SLC24A3: variants seen among roughly 807,000 people sequenced by gnomAD.
The protein encoded by SLC24A3 is sodium/potassium/calcium exchanger 3.
A neutral mutation model predicts 75.8 loss-of-function variants in SLC24A3; 28 were observed. That is an observed-to-expected ratio of 0.37 (90% CI 0.27 to 0.51). The LOEUF (loss-of-function observed/expected upper bound fraction) is 0.51. Ranked by LOEUF, SLC24A3 falls within the 20% of genes least tolerant of loss-of-function variation. SLC24A3 has a pLI of 0.94. For synonymous variants in SLC24A3, 372 were observed against 334.1 expected (o/e 1.11, Z -1.24); for missense variants, 663 against 847.8 (o/e 0.78, Z 2.71).
At chr20:19,579,950 C>A in intron 3 of SLC24A3, 50 bp from the exon 4 acceptor site, 1 of 1,418,674 alleles carries the variant, frequency 7.0e-7, no homozygotes, top group Non-Finnish European at 9.9e-7. Context: ...GTTCATCTTC[C>A]TGGCTCTGCC....
chr20:19,607,681 C>T (rs1332722326), intron 6 of SLC24A3, among the ~76,000 whole-genome samples: 1 of 152,204 alleles, frequency 6.6e-6, no homozygotes, highest in African/African-American at 2.4e-5. Flanking sequence ...CATCCTGCCC[C>T]TTGCTTTCCA....
At chr20:19,316,643 C>T (rs185090575) in intron 2 of SLC24A3, among the ~76,000 whole-genome samples, 3 of 152,306 alleles carry the variant, frequency 2.0e-5, no homozygotes, top group Admixed American at 2.0e-4. Flanking sequence ...TGGGCAGGAG[C>T]ACAGAGTCCA....
At chr20:19,448,465 T>C (rs1199470093) in intron 2 of SLC24A3, among the ~76,000 whole-genome samples, 1 of 152,200 alleles carries the variant, frequency 6.6e-6, no homozygotes, top group Admixed American at 6.5e-5. Flanking sequence ...TCCGCCTGAC[T>C]TCAACACCGT....
At chr20:19,272,512 A>G (rs562589531) in intron 1 of SLC24A3, among the ~76,000 whole-genome samples, 1 of 152,350 alleles carries the variant, frequency 6.6e-6, no homozygotes, top group South Asian at 2.1e-4. Context: ...ACAAGCTTGC[A>G]GGTGATGTTG....
At chr20:19,533,286 A>G (rs1458372689) in intron 3 of SLC24A3, among the ~76,000 whole-genome samples, 1 of 152,164 alleles carries the variant, frequency 6.6e-6, no homozygotes, top group African/African-American at 2.4e-5. Flanking sequence ...TCTCTCTAAC[A>G]GAGGAGGCTG....
intron 14 of SLC24A3, 122 bp from the exon 15 acceptor site, chr20:19,698,446 A>G (rs2032835458): frequency 1.6e-6 from 1 of 620,974 alleles, no homozygotes; most frequent in Non-Finnish European, 2.9e-6. Flanking sequence ...TGGCCTTGAA[A>G]GAGAAGCACA....
At chr20:19,225,102 A>G (rs896204575) in intron 1 of SLC24A3, among the ~76,000 whole-genome samples, 6 of 152,220 alleles carry the variant, frequency 3.9e-5, no homozygotes, top group Non-Finnish European at 2.9e-5. Flanking sequence ...CCTGGGTTGT[A>G]ACCTCATATA....
chr20:19,449,831 C>A (rs1235242282), intron 2 of SLC24A3, among the ~76,000 whole-genome samples: 1 of 152,184 alleles, frequency 6.6e-6, no homozygotes, highest in Non-Finnish European at 1.5e-5. Flanking sequence ...GAAGGGCTCC[C>A]AATAGAGTGT....
intron 3 of SLC24A3, among the ~76,000 whole-genome samples, chr20:19,546,690 G>T (rs2328407): frequency 0.85 from 129,282 of 152,206 alleles, 55,189 homozygotes; most frequent in Middle Eastern, 0.92. Flanking sequence ...TGATTCCCTG[G>T]GGCATAGTCA....
chr20:19,455,993 T>C (rs746783115), intron 2 of SLC24A3, among the ~76,000 whole-genome samples: 5 of 152,234 alleles, frequency 3.3e-5, no homozygotes, highest in Middle Eastern at 3.2e-3. Flanking sequence ...TATGAGTTTA[T>C]AATGTACTGG....
At chr20:19,468,108 G>T (rs1409385380) in intron 2 of SLC24A3, among the ~76,000 whole-genome samples, 2 of 152,086 alleles carry the variant, frequency 1.3e-5, no homozygotes, top group East Asian at 3.9e-4. Context: ...AGTGGAAAAT[G>T]GATTGGATGG....
chr20:19,662,627 T>C (rs767081918), intron 7 of SLC24A3, among the ~76,000 whole-genome samples: 4 of 152,274 alleles, frequency 2.6e-5, no homozygotes, highest in Non-Finnish European at 5.9e-5. Flanking sequence ...TGTTCTAGTC[T>C]AGAAAGAAAT....
chr20:19,357,458 A>G (rs1333075325), intron 2 of SLC24A3, among the ~76,000 whole-genome samples: 1 of 152,200 alleles, frequency 6.6e-6, no homozygotes, highest in African/African-American at 2.4e-5. Context: ...TGGATTGATT[A>G]TTCATCAACA....
At chr20:19,487,875 T>C (rs1988151157) in intron 2 of SLC24A3, among the ~76,000 whole-genome samples, 1 of 152,230 alleles carries the variant, frequency 6.6e-6, no homozygotes, top group African/African-American at 2.4e-5. Flanking sequence ...TCTTTATGAT[T>C]AGCTGCTGCT....
Position 19,453,797 on chromosome 20 carries a change from C to T in SLC24A3, c.272-61691C>T, listed in dbSNP as rs3790216. Among the ~76,000 whole-genome samples the T allele has an allele frequency of 0.02, 3,018 of 152,296 alleles. 305 individuals are homozygous for T. In the East Asian group the frequency reaches 0.33, roughly 17 times the overall value. On this transcript the variant is annotated intron_variant, in intron 2 of 16. Coordinates refer to ENST00000328041, the MANE Select transcript of SLC24A3 (RefSeq NM_020689.4). ...GAGCTGGCTCCCTCTCCCCAGATCA[C>T]TTGCAGGGCCTGCCCACTGTGAGAA...
rs563015237 is a variant in SLC24A3 at position 19,241,591 on chromosome 20, T to C, written c.142+28607T>C. On this transcript the variant is annotated intron_variant, in intron 1 of 16. Coordinates refer to ENST00000328041, the MANE Select transcript of SLC24A3 (RefSeq NM_020689.4). ...AAATTGAAAAGTACTTGTAAGTAGA[T>C]TAACCGTGCATGCCCGGGGCGTTTC... 6.6e-5 allele frequency among the ~76,000 whole-genome samples: 10 copies of C among 152,340 alleles called. No homozygotes were observed. The South Asian group carries it at 1.9e-3, about 28-fold the overall frequency.
At chr20:19,711,799 C>T (rs1781356090) in intron 15 of SLC24A3, among the ~76,000 whole-genome samples, 2 of 152,140 alleles carry the variant, frequency 1.3e-5, no homozygotes, top group Admixed American at 6.5e-5. Context: ...ATCGCCATGC[C>T]CAGCTAATTT....
At chr20:19,453,340 G>A (rs961431454) in intron 2 of SLC24A3, among the ~76,000 whole-genome samples, 2 of 152,218 alleles carry the variant, frequency 1.3e-5, no homozygotes, top group African/African-American at 4.8e-5. Context: ...GGGTGGCAGA[G>A]TCAGACCCTG....
At chr20:19,563,209 T>C (rs548882358) in intron 3 of SLC24A3, among the ~76,000 whole-genome samples, 7 of 152,296 alleles carry the variant, frequency 4.6e-5, no homozygotes, top group African/African-American at 9.6e-5. Context: ...AATATGCATA[T>C]AACATATATC....
Sources: gnomAD v4.1 joint callset for allele counts (sites outside exome capture counted in the v4.1 genomes callset) on GRCh38, gnomAD v4.1.1 for gene constraint, MANE v1.5 for transcripts, NCBI Gene and HGNC (gene_info 2026-07-23, HGNC 2026-07-21) for gene names.